Variants in FGF13 observed in about 807,000 individuals in gnomAD.
FGF13 encodes the protein fibroblast growth factor homologous factor 2.
FGF13 carries 2 observed loss-of-function variants against 19.5 expected under a neutral mutation model. The observed-to-expected ratio is 0.10, with a 90% confidence interval of 0.04 to 0.32. The LOEUF (loss-of-function observed/expected upper bound fraction) is 0.32. Among genes scored for constraint, FGF13 ranks in the 10% least tolerant of loss-of-function variants. The pLI is 1.00. For missense variants in FGF13, 113 were observed against 192.7 expected, an observed-to-expected ratio of 0.59 and a Z score of 2.45; for synonymous variants, 72 against 76.9, an observed-to-expected ratio of 0.94 and a Z score of 0.33.
intron 2 of FGF13, among the ~76,000 whole-genome samples, chrX:138,858,713 AC>A (rs1419247242): frequency 9.1e-6 from 1 of 110,118 alleles, no homozygotes; most frequent in Non-Finnish European, 1.9e-5. Context: ...GACTGATACT[AC>A]TAGCAAATTT....
At chrX:138,815,052 C>A (rs2090952153) in intron 3 of FGF13, among the ~76,000 whole-genome samples, 1 of 110,759 alleles carries the variant, frequency 9.0e-6, no homozygotes, top group Non-Finnish European at 1.9e-5. Flanking sequence ...CATGGGTGAA[C>A]CTGGAGGGCA....
chrX:138,790,057 A>C (rs919127763), intron 3 of FGF13, among the ~76,000 whole-genome samples: 6 of 97,346 alleles, frequency 6.2e-5, no homozygotes, highest in Admixed American at 3.3e-4. Context: ...AAAAAAAAAA[A>C]AAAAAAAAAA....
chrX:138,968,515 T>A (rs1376722271), intron 1 of FGF13, among the ~76,000 whole-genome samples: 1 of 112,266 alleles, frequency 8.9e-6, no homozygotes, highest in African/African-American at 3.2e-5. Flanking sequence ...CAGGCTTTCA[T>A]GGACTCAAAC....
At chrX:139,121,077 A>G (rs1315797881) in intron 1 of FGF13, among the ~76,000 whole-genome samples, 2 of 112,159 alleles carry the variant, frequency 1.8e-5, no homozygotes, top group Non-Finnish European at 3.8e-5. Context: ...GCCTATAATC[A>G]TTTATTGTTG....
chrX:139,190,028 G>A (rs2084312316), intron 1 of FGF13, among the ~76,000 whole-genome samples: 1 of 111,871 alleles, frequency 8.9e-6, no homozygotes, highest in Admixed American at 9.5e-5. Context: ...ATTGTGATGA[G>A]AGGGATGAAC....
chrX:138,911,120 T>C (rs2091585252), intron 1 of FGF13, among the ~76,000 whole-genome samples: 2 of 111,530 alleles, frequency 1.8e-5, no homozygotes, highest in Admixed American at 9.5e-5. Context: ...CCAACTTATG[T>C]CAATAAAGGA....
At chrX:138,653,061 AG>A (rs771542196) in intron 3 of FGF13, among the ~76,000 whole-genome samples, 1 of 112,060 alleles carries the variant, frequency 8.9e-6, no homozygotes, top group South Asian at 3.7e-4. Context: ...CAGGTTAGCC[AG>A]GGACCTAGTA....
At chrX:138,757,330 A>G (rs1021810578) in intron 3 of FGF13, among the ~76,000 whole-genome samples, 1 of 109,934 alleles carries the variant, frequency 9.1e-6, no homozygotes, top group African/African-American at 3.3e-5. Context: ...AATTTTCTGC[A>G]TGCCACTTGG....
intron 1 of FGF13, among the ~76,000 whole-genome samples, chrX:138,932,703 A>AGTGTGTGTGTGTGTGTGTGT: frequency 1.1e-5 from 1 of 90,303 alleles, no homozygotes; most frequent in Middle Eastern, 6.0e-3. Context: ...TCAGGAGTGT[A>AGTGTGTGTGTGTGTGTGTGT]GTGTGTGTGT....
chrX:139,093,835 G>T (rs2083453879), intron 1 of FGF13, among the ~76,000 whole-genome samples: 1 of 112,227 alleles, frequency 8.9e-6, no homozygotes, highest in South Asian at 3.7e-4. Flanking sequence ...GCGAACAAGT[G>T]TAATGCTACT....
intron 3 of FGF13, among the ~76,000 whole-genome samples, chrX:138,803,429 G>C (rs2090843937): frequency 8.9e-6 from 1 of 112,002 alleles, no homozygotes; most frequent in African/African-American, 3.2e-5. Flanking sequence ...AGACTGCTTG[G>C]AGTGGGCATC....
intron 3 of FGF13, among the ~76,000 whole-genome samples, chrX:138,684,839 C>A (rs186695308): frequency 4.7e-4 from 52 of 111,325 alleles, no homozygotes; most frequent in African/African-American, 1.7e-3. Flanking sequence ...GGCATGCAAT[C>A]CAACTTCTTC....
rs1321201337 is a variant in FGF13, at chrX:138,759,878, A to T, written c.218-50950T>A. On this transcript the variant is annotated intron_variant, in intron 3 of 6. Coordinates refer to the FGF13 transcript ENST00000436198. ...CTGTAAATGGCAATTGTTACTGTTAATAGTGAAGGTCAAGATCCTATATTT... is the reference window on the plus strand; with the variant it reads ...CTGTAAATGGCAATTGTTACTGTTATTAGTGAAGGTCAAGATCCTATATTT... Among the ~76,000 whole-genome samples, 6 of 112,053 alleles carry T rather than the reference A, an allele frequency of 5.4e-5. No homozygotes were observed. The South Asian group carries it at 1.1e-3, about 21-fold the overall frequency.
At chrX:139,125,799 C>T (rs1350281589) in intron 1 of FGF13, among the ~76,000 whole-genome samples, 7 of 111,052 alleles carry the variant, frequency 6.3e-5, no homozygotes, top group Admixed American at 1.9e-4. Context: ...GTAGGTGGAA[C>T]GGACAAGGAT....
chrX:139,110,136 ATATATT>A (rs1404919992), intron 1 of FGF13, among the ~76,000 whole-genome samples: 1 of 110,867 alleles, frequency 9.0e-6, no homozygotes, highest in Non-Finnish European at 1.9e-5. Flanking sequence ...TTTTATGTAA[ATATATT>A]TATATTTCAA....
At chrX:138,979,848 A>G (rs1451848482) in intron 1 of FGF13, among the ~76,000 whole-genome samples, 1 of 111,695 alleles carries the variant, frequency 9.0e-6, no homozygotes, top group Non-Finnish European at 1.9e-5. Flanking sequence ...GATGCTTGTC[A>G]CAGGGGAATA....
At chrX:138,954,061 A>G (rs1300004538) in intron 1 of FGF13, among the ~76,000 whole-genome samples, 4 of 104,106 alleles carry the variant, frequency 3.8e-5, no homozygotes, top group African/African-American at 7.0e-5. Context: ...ATTTTACACC[A>G]AATATTGGTG....
chrX:138,850,319 T>C (rs2091213440), intron 3 of FGF13, among the ~76,000 whole-genome samples: 1 of 111,461 alleles, frequency 9.0e-6, no homozygotes, highest in Non-Finnish European at 1.9e-5. Context: ...CCCCAAAATA[T>C]GACTTCATTT....
chrX:138,751,584 T>C (rs886233164), intron 3 of FGF13, among the ~76,000 whole-genome samples: 1 of 111,999 alleles, frequency 8.9e-6, no homozygotes, highest in African/African-American at 3.2e-5. Context: ...CTTTTGGAGA[T>C]ATGCTTAAAG....
Sources: gnomAD v4.1 joint callset for allele counts (sites outside exome capture counted in the v4.1 genomes callset) on GRCh38, gnomAD v4.1.1 for gene constraint, MANE v1.5 for transcripts, NCBI Gene and HGNC (gene_info 2026-07-23, HGNC 2026-07-21) for gene names.